The following NAV2 variants were observed in gnomAD, a reference collection of about 807,000 sequenced individuals.
NAV2 encodes the protein neuron navigator 2.
NAV2 carries 54 observed loss-of-function variants against 223.2 expected under a neutral mutation model. That is an observed-to-expected ratio of 0.24 (90% CI 0.19 to 0.30). The LOEUF is 0.30. Among genes scored for constraint, NAV2 ranks in the 10% least tolerant of loss-of-function variants. The pLI, the probability that NAV2 is intolerant of heterozygous loss-of-function variation, is 1.00. For synonymous variants in NAV2, 1,279 were observed against 1,239.3 expected (o/e 1.03, Z -0.67); for missense variants, 2,806 against 3,147.5 (o/e 0.89, Z 2.60).
Position 20,055,968 on chromosome 11 carries a change from A to G in NAV2, c.4831+11A>G, listed in dbSNP as rs771065311. The G allele has an allele frequency of 3.1e-6, 5 of 1,610,336 alleles. No individual in the cohort carries two copies. Among genetic ancestry groups the G allele is most frequent in the Non-Finnish European group, 4.2e-6 (5 of 1,179,084 alleles). On this transcript the variant is annotated intron_variant, in intron 19 of 37. Coordinates refer to ENST00000349880, the MANE Select transcript of NAV2 (RefSeq NM_145117.5). ...ATGGGTTTGAAGAAGGTAAGGAAGG[A>G]AAGGAAGAAGGTAAGGAAGGAAACT...
intron 1 of NAV2, among the ~76,000 whole-genome samples, chr11:19,787,270 CTTTTT>C (rs757183666): frequency 0.063 from 3,469 of 54,840 alleles, 275 homozygotes; most frequent in Middle Eastern, 0.092. Flanking sequence ...TTTATTGGAT[CTTTTT>C]TTTTTTTTTT....
At chr11:20,032,300 A>C (rs1201521333) in intron 11 of NAV2, among the ~76,000 whole-genome samples, 2 of 152,226 alleles carry the variant, frequency 1.3e-5, no homozygotes, top group Admixed American at 6.5e-5. Context: ...TGGGTGGCTC[A>C]GTTACAAAGG....
At chr11:19,552,959 C>T (rs535310166) in intron 1 of NAV2, among the ~76,000 whole-genome samples, 2 of 152,196 alleles carry the variant, frequency 1.3e-5, no homozygotes, top group South Asian at 2.1e-4. Context: ...GGGAAAGGAA[C>T]GCGTAAGCTG....
intron 14 of NAV2, among the ~76,000 whole-genome samples, chr11:20,048,037 A>G (rs1395080680): frequency 6.6e-6 from 1 of 152,152 alleles, no homozygotes; most frequent in Non-Finnish European, 1.5e-5. Context: ...ATGACATAGA[A>G]TAGCATTTCT....
At chr11:19,754,617 C>G (rs1351625175) in intron 1 of NAV2, among the ~76,000 whole-genome samples, 1 of 152,208 alleles carries the variant, frequency 6.6e-6, no homozygotes, top group African/African-American at 2.4e-5. Context: ...CCCTGGTTCT[C>G]CAGCTCATGT....
At chr11:19,660,123 C>T (rs1433089729) in intron 1 of NAV2, among the ~76,000 whole-genome samples, 1 of 152,146 alleles carries the variant, frequency 6.6e-6, no homozygotes, top group South Asian at 2.1e-4. Context: ...GTTCCCTTCC[C>T]CAGCAAGAGT....
chr11:19,585,967 C>A (rs1242232187), intron 1 of NAV2, among the ~76,000 whole-genome samples: 1 of 152,194 alleles, frequency 6.6e-6, no homozygotes, highest in Non-Finnish European at 1.5e-5. Context: ...TAATATCCTG[C>A]AGAGTGTTTT....
chr11:19,398,612 A>T (rs59508935), intron 1 of NAV2, among the ~76,000 whole-genome samples: 1,841 of 152,162 alleles, frequency 0.012, 100 homozygotes, highest in East Asian at 0.12. Context: ...CTCTGCTCTC[A>T]TGAACTTCTG....
intron 1 of NAV2, among the ~76,000 whole-genome samples, chr11:19,479,306 G>T (rs866846797): frequency 6.6e-6 from 1 of 152,134 alleles, no homozygotes; most frequent in Non-Finnish European, 1.5e-5. Flanking sequence ...ACTCGTAACA[G>T]AATTCAAGCA....
Position 19,428,143 on chromosome 11 carries a change from T to C in NAV2, c.75+77116T>C, listed in dbSNP as rs187186882. ...TACAAATACGTTTAAATCTTTGAGA[T>C]CTTTCATGTTTTTAAGAAAACCCAG... On this transcript the variant is annotated intron_variant, in intron 1 of 37. Coordinates refer to the NAV2 transcript ENST00000360655. Among the ~76,000 whole-genome samples, 196 of 152,354 alleles carry C rather than the reference T, an allele frequency of 1.3e-3. 1 individual carries two copies. Among genetic ancestry groups the C allele is most frequent in the African/African-American group, 4.4e-3 (182 of 41,584 alleles).
intron 6 of NAV2, among the ~76,000 whole-genome samples, chr11:19,907,323 C>G (rs1269472433): frequency 6.6e-6 from 1 of 152,106 alleles, no homozygotes; most frequent in Non-Finnish European, 1.5e-5. Context: ...TGCTCATCCT[C>G]CTCTCTCTCT....
chr11:19,741,402 A>G (rs543946854), intron 1 of NAV2, among the ~76,000 whole-genome samples: 8 of 151,272 alleles, frequency 5.3e-5, no homozygotes, highest in East Asian at 1.9e-4. Context: ...CCTTTGTTCT[A>G]TATCTCCCCA....
At chr11:19,425,311 G>A (rs1253459256) in intron 1 of NAV2, among the ~76,000 whole-genome samples, 1 of 152,230 alleles carries the variant, frequency 6.6e-6, no homozygotes, top group African/African-American at 2.4e-5. Flanking sequence ...TAAGAAGAGT[G>A]TAGATAGAGT....
intron 1 of NAV2, among the ~76,000 whole-genome samples, chr11:19,612,915 G>A (rs2046684298): frequency 6.6e-6 from 1 of 152,190 alleles, no homozygotes; most frequent in Admixed American, 6.5e-5. Flanking sequence ...TGCTGATAAA[G>A]ACATACCTGA....
rs2048512592 is a variant in NAV2 at position 19,669,292 on chromosome 11, A to G, written c.76-163192A>G. Among the ~76,000 whole-genome samples the G allele has an allele frequency of 3.9e-5, 6 of 152,296 alleles. No individual in the cohort carries two copies. In the South Asian group the frequency reaches 1.2e-3, roughly 32 times the overall value. ...CCAGTGTTCTCATCTACTCCATTTC[A>G]TCTCACTGAATACTTTCCCATTCCA... is the stretch of plus-strand genomic sequence containing the variant. On this transcript the variant is annotated intron_variant, in intron 1 of 37. Transcript: ENST00000360655.
intron 1 of NAV2, among the ~76,000 whole-genome samples, chr11:19,792,984 G>A (rs1291300195): frequency 5.9e-5 from 9 of 151,758 alleles, no homozygotes; most frequent in Admixed American, 2.6e-4. Context: ...CGAGGTGGGT[G>A]GATCACCTGA....
chr11:20,116,417 T>C (rs953334906), intron 37 of NAV2, among the ~76,000 whole-genome samples: 1 of 152,216 alleles, frequency 6.6e-6, no homozygotes, highest in Non-Finnish European at 1.5e-5. Flanking sequence ...GTTTGCAATA[T>C]TTATAACAGT....
intron 1 of NAV2, among the ~76,000 whole-genome samples, chr11:19,360,329 C>T (rs1482919716): frequency 2.6e-5 from 4 of 152,204 alleles, no homozygotes; most frequent in Non-Finnish European, 5.9e-5. Context: ...CAAGAAGCCC[C>T]TATCCTTGAC....
chr11:19,584,292 G>A (rs1462004015), intron 1 of NAV2, among the ~76,000 whole-genome samples: 1 of 152,036 alleles, frequency 6.6e-6, no homozygotes, highest in Non-Finnish European at 1.5e-5. Flanking sequence ...AGTCTTGCTA[G>A]CGGTCTATCG....
Sources: allele counts gnomAD v4.1 joint callset (sites outside exome capture counted in the v4.1 genomes callset), GRCh38; gene constraint gnomAD v4.1.1; transcripts MANE v1.5; gene names NCBI Gene and HGNC (gene_info 2026-07-23, HGNC 2026-07-21).